Variants in GRIA2 observed in about 807,000 individuals in gnomAD.
The protein encoded by GRIA2 is glutamate receptor 2.
A neutral mutation model predicts 97.3 loss-of-function variants in GRIA2; 14 were observed. The ratio of observed to expected loss-of-function variants is 0.14; its 90% CI spans 0.10 to 0.23. The LOEUF (loss-of-function observed/expected upper bound fraction) is 0.23. Ranked by LOEUF, GRIA2 falls within the 10% of genes least tolerant of loss-of-function variation. The pLI is 1.00. For synonymous variants in GRIA2, 412 were observed against 387.8 expected (o/e 1.06, Z -0.73); for missense variants, 558 against 1,069.8 (o/e 0.52, Z 6.67).
intron 2 of GRIA2, among the ~76,000 whole-genome samples, chr4:157,230,522 CCTTT>C (rs1300555500): frequency 2.7e-5 from 4 of 148,930 alleles, no homozygotes; most frequent in East Asian, 2.0e-4. Flanking sequence ...TTCTTTCCTT[CCTTT>C]CTTCCTTCCT....
At chr4:157,327,170 C>G (rs1734840020) in intron 6 of GRIA2, among the ~76,000 whole-genome samples, 1 of 152,110 alleles carries the variant, frequency 6.6e-6, no homozygotes, top group South Asian at 2.1e-4. Context: ...CAAAGGAAAT[C>G]TGGCTCATTT....
chr4:157,362,928 A>G lies in GRIA2; in HGVS notation c.2536A>G (p.Met846Val), dbSNP rs755912901. 6 of 1,613,626 alleles carry G rather than the reference A, an allele frequency of 3.7e-6. No homozygotes were observed. Among genetic ancestry groups the G allele is most frequent in the Non-Finnish European group, 4.2e-6 (5 of 1,179,676 alleles). ...CAAGTCAAGGGCCGAGGCGAAACGAATGAAGGTGGCAAAGAATGCACAGAA... is the reference window on the plus strand; with the variant it reads ...CAAGTCAAGGGCCGAGGCGAAACGAGTGAAGGTGGCAAAGAATGCACAGAA... Reference protein sequence around the residue: ...CYKSRAEAKRMKVAKNAQNIN... With the variant: ...CYKSRAEAKRVKVAKNAQNIN... Residue 846 changes from methionine to valine, a missense_variant, in exon 15 of 16, where the codon ATG becomes GTG. Met to Val is a conservative substitution (Grantham distance 21). Transcript: ENST00000264426.
At chr4:157,309,771 T>A (rs1388073351) in intron 3 of GRIA2, among the ~76,000 whole-genome samples, 1 of 152,206 alleles carries the variant, frequency 6.6e-6, no homozygotes, top group Non-Finnish European at 1.5e-5. Context: ...ATAATATATG[T>A]CAAAAGTTGA....
At chr4:157,264,030 A>G (rs1029929313) in intron 2 of GRIA2, among the ~76,000 whole-genome samples, 5 of 152,096 alleles carry the variant, frequency 3.3e-5, no homozygotes, top group Non-Finnish European at 5.9e-5. Flanking sequence ...AGGAATCTAA[A>G]TGGTCCCAAA....
chr4:157,261,810 T>C (rs1317928887), intron 2 of GRIA2, among the ~76,000 whole-genome samples: 1 of 152,114 alleles, frequency 6.6e-6, no homozygotes, highest in African/African-American at 2.4e-5. Context: ...CAAAGCAGTG[T>C]ATAATATTGT....
chr4:157,230,183 T>C (rs565593601), intron 2 of GRIA2, among the ~76,000 whole-genome samples: 211 of 152,300 alleles, frequency 1.4e-3, no homozygotes, highest in African/African-American at 4.9e-3. Context: ...CAAAATACCG[T>C]TCTGTTTCAG....
intron 5 of GRIA2, among the ~76,000 whole-genome samples, chr4:157,318,344 T>A (rs1316370810): frequency 6.6e-6 from 1 of 152,142 alleles, no homozygotes; most frequent in Non-Finnish European, 1.5e-5. Flanking sequence ...AAATTAAACC[T>A]GAAAAAATCT....
At chr4:157,324,252 A>G (rs1734709575) in intron 6 of GRIA2, among the ~76,000 whole-genome samples, 1 of 152,186 alleles carries the variant, frequency 6.6e-6, no homozygotes, top group African/African-American at 2.4e-5. Context: ...CTGAAGCTCA[A>G]TAAAAATTAC....
chr4:157,358,263 A>G (rs1384596104), intron 12 of GRIA2, among the ~76,000 whole-genome samples: 1 of 152,180 alleles, frequency 6.6e-6, no homozygotes, highest in Non-Finnish European at 1.5e-5. Context: ...TTTCAGAAAA[A>G]GCAAAAATGG....
At chr4:157,243,805 T>A (rs76465859) in intron 2 of GRIA2, among the ~76,000 whole-genome samples, 3,684 of 152,170 alleles carry the variant, frequency 0.024, 97 homozygotes, top group Middle Eastern at 0.13. Flanking sequence ...CTTACCAGAA[T>A]CTAGTTATCA....
chr4:157,272,224 A>G (rs1732060385), intron 2 of GRIA2, among the ~76,000 whole-genome samples: 1 of 152,128 alleles, frequency 6.6e-6, no homozygotes, highest in African/African-American at 2.4e-5. Flanking sequence ...ATCAAATAGC[A>G]GGACTTCTCG....
intron 2 of GRIA2, 121 bp downstream of exon 2, chr4:157,221,928 GTGAC>G (rs1453526604): frequency 3.4e-6 from 3 of 891,604 alleles, no homozygotes; most frequent in East Asian, 2.5e-5. Context: ...GTGGGTGTGA[GTGAC>G]TGCACACACG....
At chr4:157,305,985 A>G (rs1050683786) in intron 3 of GRIA2, among the ~76,000 whole-genome samples, 1 of 152,140 alleles carries the variant, frequency 6.6e-6, no homozygotes, top group Admixed American at 6.6e-5. Context: ...ATAATGCTAG[A>G]AAGAGAGTTA....
At chr4:157,355,600 A>ATATATATATATATT (rs1736220264) in intron 12 of GRIA2, among the ~76,000 whole-genome samples, 1 of 102,614 alleles carries the variant, frequency 9.7e-6, no homozygotes, top group Middle Eastern at 6.5e-3. Context: ...ATTTATATAT[A>ATATATATATATATT]TATTTATATA....
intron 2 of GRIA2, among the ~76,000 whole-genome samples, chr4:157,274,380 A>G (rs1437042641): frequency 6.7e-6 from 1 of 150,176 alleles, no homozygotes; most frequent in Admixed American, 6.6e-5. Flanking sequence ...TTTTTTAATT[A>G]TTATACTTTA....
At chr4:157,256,226 A>AACATATATATGTAATATATGTTATATATT (rs1554007393) in intron 2 of GRIA2, among the ~76,000 whole-genome samples, 5 of 119,872 alleles carry the variant, frequency 4.2e-5, no homozygotes, top group African/African-American at 1.4e-4. Context: ...TATAATATAT[A>AACATATATATGTAATATATGTTATATATT]ATATATAATA....
intron 2 of GRIA2, among the ~76,000 whole-genome samples, chr4:157,284,772 C>A (rs1265133146): frequency 2.0e-5 from 3 of 151,704 alleles, no homozygotes; most frequent in Non-Finnish European, 3.0e-5. Context: ...AATTCTTCAG[C>A]ACTTAATATT....
chr4:157,358,242 A>T (rs1281331358), intron 12 of GRIA2, among the ~76,000 whole-genome samples: 2 of 152,188 alleles, frequency 1.3e-5, no homozygotes, highest in African/African-American at 2.4e-5. Context: ...CAGTTTCTAC[A>T]GTAGGCAAAG....
Position 157,222,270 on chromosome 4 carries a change from C to T in GRIA2, c.229+463C>T, listed in dbSNP as rs13139678. 8.6e-3 allele frequency among the ~76,000 whole-genome samples: 1,311 copies of T among 152,302 alleles called. 10 individuals are homozygous for T. Among genetic ancestry groups the T allele is most frequent in the Non-Finnish European group, 0.014 (969 of 68,024 alleles). On this transcript the variant is annotated intron_variant, in intron 2 of 15. Coordinates refer to ENST00000264426, the MANE Select transcript of GRIA2 (RefSeq NM_001083619.3). ...GGAGCCCAGTGGCCTCCTGCCCCAGCAGCTGCCGCTCTCGCCCGCTGCCCC... is the reference window on the plus strand; with the variant it reads ...GGAGCCCAGTGGCCTCCTGCCCCAGTAGCTGCCGCTCTCGCCCGCTGCCCC...
Sources: gnomAD v4.1 joint callset for allele counts (sites outside exome capture counted in the v4.1 genomes callset) on GRCh38, gnomAD v4.1.1 for gene constraint, MANE v1.5 for transcripts, NCBI Gene and HGNC (gene_info 2026-07-23, HGNC 2026-07-21) for gene names.